VLDLR: variants seen among roughly 807,000 people sequenced by gnomAD.
VLDLR encodes the protein very low-density lipoprotein receptor.
In VLDLR, 81 loss-of-function variants were observed where a neutral mutation model predicts 112.7. That is an observed-to-expected ratio of 0.72 (90% confidence interval 0.60 to 0.86). The LOEUF (loss-of-function observed/expected upper bound fraction) is 0.86. VLDLR is among the 40% of genes least tolerant of loss of function. The pLI is 0.00. For synonymous variants in VLDLR, 436 were observed against 384.8 expected, an observed-to-expected ratio of 1.13 and a Z score of -1.56; for missense variants, 1,237 against 1,099.4, an observed-to-expected ratio of 1.13 and a Z score of -1.77.
intron 15 of VLDLR, among the ~76,000 whole-genome samples, chr9:2,650,941 C>G (rs959611082): frequency 1.3e-5 from 2 of 152,116 alleles, no homozygotes. Context: ...GTCTTCTGTT[C>G]TTAACTTTTG....
At position 2,622,315 on chromosome 9, in the gene VLDLR, G is replaced by C. The variant is rs34222624; in HGVS notation, c.82+44G>C. On this transcript the variant is annotated intron_variant, in intron 1 of 18. Transcript: ENST00000382100. ...CTCCGCCGGCGGGCGGGACCCAGCC[G>C]GGGCACCGGGAGACCCCGAGGCGTA... 961 of 1,422,572 alleles carry C rather than the reference G, an allele frequency of 6.8e-4. 3 individuals carry two copies. In the African/African-American group the frequency reaches 0.012, roughly 17 times the overall value. 88.1% of individuals were successfully genotyped at this position (1,422,572 alleles called of 1,614,324 possible).
chr9:2,648,834 T>C, intron 14 of VLDLR, 24 bp downstream of exon 14: 8 of 1,614,020 alleles, frequency 5.0e-6, no homozygotes, highest in Non-Finnish European at 6.8e-6. Context: ...GCACAGTCCT[T>C]AATAACTACT....
intron 1 of VLDLR, among the ~76,000 whole-genome samples, chr9:2,628,533 A>T (rs1052418456): frequency 1.3e-5 from 2 of 152,226 alleles, no homozygotes; most frequent in East Asian, 3.8e-4. Context: ...AAGCCAAGAA[A>T]TGACCCCATT....
At chr9:2,641,226 A>T in intron 3 of VLDLR, 151 bp from the exon 4 acceptor site, 1 of 1,217,962 alleles carries the variant, frequency 8.2e-7, no homozygotes, top group Non-Finnish European at 1.2e-6. Context: ...GGAGCTGATG[A>T]AAGAGCTCCC....
At chr9:2,635,338 G>A in intron 1 of VLDLR, 115 bp from the exon 2 acceptor site, 1 of 1,537,112 alleles carries the variant, frequency 6.5e-7, no homozygotes, top group East Asian at 2.3e-5. Flanking sequence ...CCCTTAGGAT[G>A]TCATAGCCTG....
intron 15 of VLDLR, 59 bp downstream of exon 15, chr9:2,650,575 A>G: frequency 1.2e-6 from 2 of 1,602,880 alleles, no homozygotes; most frequent in Non-Finnish European, 1.7e-6. Context: ...ATAATAAGAC[A>G]CAAGCTTGGA....
At chr9:2,650,292 C>G in intron 14 of VLDLR, 78 bp from the exon 15 acceptor site, 3 of 1,592,136 alleles carry the variant, frequency 1.9e-6, no homozygotes, top group Non-Finnish European at 2.6e-6. Context: ...GGACTCAGGT[C>G]TTCAACATGT....
rs1586661991 is a variant in VLDLR, at chr9:2,653,040, G to A, written c.2586+91G>A. ...GTGAGAGAGAGAGAGCCATTAGGAT[G>A]ATGGAGTTACCAAACACTTCATCTG... On this transcript the variant is annotated intron_variant, in intron 18 of 18. Transcript: ENST00000382100. The A allele has an allele frequency of 1.1e-5, 17 of 1,536,448 alleles. No individual in the cohort carries two copies. The East Asian group carries it at 3.8e-4, about 35-fold the overall frequency.
intron 1 of VLDLR, among the ~76,000 whole-genome samples, chr9:2,625,505 G>C (rs1265908348): frequency 6.6e-6 from 1 of 152,184 alleles, no homozygotes; most frequent in Non-Finnish European, 1.5e-5. Flanking sequence ...ATTCACTTTG[G>C]ATACTGACTT....
Position 2,657,014 on chromosome 9 carries a change from TGGAA to T in VLDLR, c.*3148_*3151del, listed in dbSNP as rs1563773092. 6.7e-6 allele frequency: 1 copy of T among 148,856 alleles called. No homozygotes were observed. The highest frequency in any genetic ancestry group is 1.5e-5 in the Non-Finnish European group (1 of 67,350). 9.2% of individuals were successfully genotyped at this position (148,856 alleles called of 1,614,324 possible). A position where few individuals can be genotyped will look rare whatever the true frequency, so the allele number is the denominator to read the frequency against. The stretch of plus-strand genomic sequence containing the variant: ...CATTTGCTTCTGTTCCTTGTATCTG[TGGAA>T]GTCAAGTAGCCCTTCTCAAAAATGA... On this transcript the variant is annotated 3_prime_UTR_variant, in exon 19 of 19. Coordinates refer to ENST00000382100, the MANE Select transcript of VLDLR (RefSeq NM_003383.5).
At chr9:2,630,662 T>C (rs1342978601) in intron 1 of VLDLR, among the ~76,000 whole-genome samples, 4 of 152,196 alleles carry the variant, frequency 2.6e-5, no homozygotes, top group African/African-American at 9.7e-5. Context: ...TACTGAAGCT[T>C]ATGTATTAGT....
At chr9:2,624,025 G>C (rs796199322) in intron 1 of VLDLR, among the ~76,000 whole-genome samples, 1 of 152,288 alleles carries the variant, frequency 6.6e-6, no homozygotes, top group African/African-American at 2.4e-5. Context: ...AGGAAGGTGA[G>C]AGAAAAGTTT....
At chr9:2,633,049 A>AGTGTGTGTGTGTGTGTGTGT (rs1258054088) in intron 1 of VLDLR, among the ~76,000 whole-genome samples, 31 of 107,090 alleles carry the variant, frequency 2.9e-4, no homozygotes, top group African/African-American at 1.1e-3. Context: ...AGAGAGAGAG[A>AGTGTGTGTGTGTGTGTGTGT]GAGTGTGTGT....
Position 2,645,021 on chromosome 9 carries a change from CAA to C in VLDLR, c.1252_1253del (p.Lys418ValfsTer2). On this transcript the variant is annotated frameshift_variant, in exon 9 of 19. Transcript: ENST00000382100. LOFTEE classifies it high-confidence loss of function. Reference protein sequence around the residue: ...QICINLKGGYKCECSRGYQMD... With the variant: ...QICINLKGGYXCECSRGYQMD... ...TTTGTATCAACTTAAAAGGCGGTTA[CAA>C]GTGTGAATGTAGTCGTGGCTATCAA... The C allele has an allele frequency of 1.2e-6, 2 of 1,614,210 alleles. No individual in the cohort carries two copies. The highest frequency in any genetic ancestry group is 1.7e-6 in the Non-Finnish European group (2 of 1,180,034).
chr9:2,651,410 T>C lies in VLDLR; in HGVS notation c.2252-5T>C. ...TTAACCAGGTTCTTGGTTTTTATAA[T>C]TCAGGTACTGCAACTACTGTGACTT... On this transcript the variant is annotated splice_polypyrimidine_tract_variant and splice_region_variant and intron_variant, in intron 15 of 18. Transcript: ENST00000382100. 6.2e-7 allele frequency: 1 copy of C among 1,613,656 alleles called. No individual in the cohort carries two copies. The highest frequency in any genetic ancestry group is 8.5e-7 in the Non-Finnish European group (1 of 1,179,684).
chr9:2,639,147 C>T (rs1817722576), intron 2 of VLDLR, among the ~76,000 whole-genome samples: 1 of 152,204 alleles, frequency 6.6e-6, no homozygotes, highest in African/African-American at 2.4e-5. Flanking sequence ...GCTGAAACAA[C>T]AGAAATTTAT....
At chr9:2,651,566 A>C in intron 16 of VLDLR, 68 bp downstream of exon 16, 1 of 1,384,136 alleles carries the variant, frequency 7.2e-7, no homozygotes. Flanking sequence ...CTACAGCTTA[A>C]ATAATTAATG....
At position 2,657,890 on chromosome 9, in the gene VLDLR, C is replaced by G. The variant is rs954030328; in HGVS notation, c.*4022C>G. Reference sequence around the variant, plus strand: ...AGAATTGTAATACTAAAAAACTACTCGAGTAAATATCCTAACAAGTATGAT... The same window carrying G: ...AGAATTGTAATACTAAAAAACTACTGGAGTAAATATCCTAACAAGTATGAT... On this transcript the variant is annotated 3_prime_UTR_variant, in exon 19 of 19. Transcript: ENST00000382100. 2 of 152,100 alleles carry G rather than the reference C, an allele frequency of 1.3e-5. No individual in the cohort carries two copies. The highest frequency in any genetic ancestry group is 2.9e-5 in the Non-Finnish European group (2 of 68,018). The allele number at this position is 152,100 out of a possible 1,614,324, so 9.4% of individuals were successfully genotyped here.
At chr9:2,623,315 A>C (rs762258070) in intron 1 of VLDLR, among the ~76,000 whole-genome samples, 3 of 152,014 alleles carry the variant, frequency 2.0e-5, no homozygotes, top group Admixed American at 2.0e-4. Flanking sequence ...TTCTGAGAGG[A>C]CTCAGTCGGA....
Sources: allele counts gnomAD v4.1 joint callset (sites outside exome capture counted in the v4.1 genomes callset), GRCh38; gene constraint gnomAD v4.1.1; transcripts MANE v1.5; gene names NCBI Gene and HGNC (gene_info 2026-07-23, HGNC 2026-07-21).